Variants in SUPT3H observed in about 807,000 individuals in gnomAD.
The protein encoded by SUPT3H is SPT3 homolog, SAGA and STAGA complex component.
A neutral mutation model predicts 44.3 loss-of-function variants in SUPT3H; 44 were observed. That is an observed-to-expected ratio of 0.99 (90% CI 0.78 to 1.28). The LOEUF is 1.28. SUPT3H is among the 50% of genes most tolerant of loss of function. The pLI is 0.00. For missense variants in SUPT3H, 380 were observed against 387.1 expected (o/e 0.98, Z 0.15); for synonymous variants, 124 against 125.6 (o/e 0.99, Z 0.09).
At chr6:44,847,803 T>A (rs1772136230) in intron 10 of SUPT3H, among the ~76,000 whole-genome samples, 6 of 151,862 alleles carry the variant, frequency 4.0e-5, no homozygotes, top group Admixed American at 3.9e-4. Flanking sequence ...GAAGATTTTT[T>A]AAATGCTCTG....
chr6:45,070,806 G>C (rs961318634), intron 3 of SUPT3H, among the ~76,000 whole-genome samples: 13 of 150,734 alleles, frequency 8.6e-5, no homozygotes, highest in Non-Finnish European at 1.5e-4. Context: ...TTACAAACTG[G>C]AGTGACGACA....
rs142771884 is a variant in SUPT3H at position 45,349,843 on chromosome 6, A to G, written c.101+15358T>C. ...ACTGCATAATCAGTTCATGTTGTCA[A>G]TGTTCTCTTTTATTCAAAATTAATT... is the stretch of plus-strand genomic sequence containing the variant. On this transcript the variant is annotated intron_variant, in intron 2 of 10. Transcript: ENST00000371459. Among the ~76,000 whole-genome samples the G allele has an allele frequency of 1.5e-4, 23 of 152,372 alleles. No individual in the cohort carries two copies. In the East Asian group the frequency reaches 2.9e-3, roughly 19 times the overall value.
At position 45,243,323 on chromosome 6, in the gene SUPT3H, T is replaced by C. The variant is rs937874004; in HGVS notation, c.101+121878A>G. On this transcript the variant is annotated intron_variant, in intron 2 of 10. Coordinates refer to ENST00000371459, the MANE Select transcript of SUPT3H (RefSeq NM_003599.4). ...GAAAACTTCTATAGCATAAAAAATA[T>C]ATACAAAGTGAAAAAACTCACTGCA... Among the ~76,000 whole-genome samples the C allele has an allele frequency of 2.8e-5, 4 of 145,428 alleles. No individual in the cohort carries two copies. In the South Asian group the frequency reaches 6.5e-4, roughly 24 times the overall value.
intron 2 of SUPT3H, among the ~76,000 whole-genome samples, chr6:45,115,394 T>C (rs1033560883): frequency 1.3e-5 from 2 of 152,174 alleles, no homozygotes; most frequent in African/African-American, 4.8e-5. Flanking sequence ...AAAAAGTATT[T>C]TGTAGTTAAA....
chr6:44,896,317 T>C (rs1764127352), intron 10 of SUPT3H, among the ~76,000 whole-genome samples: 1 of 151,588 alleles, frequency 6.6e-6, no homozygotes, highest in African/African-American at 2.4e-5. Flanking sequence ...TCATCATCAT[T>C]ATTAACACTT....
chr6:44,969,717 G>A (rs1035406240), intron 6 of SUPT3H, among the ~76,000 whole-genome samples: 10 of 152,172 alleles, frequency 6.6e-5, no homozygotes, highest in Admixed American at 2.0e-4. Flanking sequence ...ATTTAGGTTT[G>A]ACCTGCAATT....
At chr6:45,161,636 T>G (rs1808987333) in intron 2 of SUPT3H, among the ~76,000 whole-genome samples, 1 of 152,164 alleles carries the variant, frequency 6.6e-6, no homozygotes, top group Non-Finnish European at 1.5e-5. Flanking sequence ...GTGTCTTATT[T>G]GACTTTGACC....
chr6:45,158,208 A>C (rs1237600308), intron 2 of SUPT3H, among the ~76,000 whole-genome samples: 7 of 107,080 alleles, frequency 6.5e-5, no homozygotes, highest in African/African-American at 3.8e-4. Context: ...ATAGAGATAG[A>C]TAGATAGATA....
At chr6:45,066,341 C>G (rs1390479345) in intron 3 of SUPT3H, among the ~76,000 whole-genome samples, 1 of 145,098 alleles carries the variant, frequency 6.9e-6, no homozygotes, top group Non-Finnish European at 1.5e-5. Context: ...TATGACAAAC[C>G]CACAGCCAAT....
At chr6:44,883,785 T>A (rs1778660540) in intron 10 of SUPT3H, among the ~76,000 whole-genome samples, 1 of 152,154 alleles carries the variant, frequency 6.6e-6, no homozygotes, top group African/African-American at 2.4e-5. Flanking sequence ...ATTCCCTATT[T>A]AATAAATGGT....
chr6:44,939,445 G>A (rs564804098), intron 9 of SUPT3H, among the ~76,000 whole-genome samples: 3 of 152,168 alleles, frequency 2.0e-5, no homozygotes, highest in Middle Eastern at 3.4e-3. Context: ...TTTATGATAT[G>A]CTAGTAGATT....
intron 2 of SUPT3H, chr6:45,322,916 T>C: frequency 6.2e-7 from 1 of 1,613,032 alleles, no homozygotes; most frequent in Non-Finnish European, 8.5e-7. Flanking sequence ...AAGACCACCA[T>C]GAGTCCATGG....
intron 10 of SUPT3H, among the ~76,000 whole-genome samples, chr6:44,836,466 A>G (rs1769919927): frequency 6.6e-6 from 1 of 152,134 alleles, no homozygotes; most frequent in Non-Finnish European, 1.5e-5. Context: ...AAAAAAACAT[A>G]GTATTAACTC....
At chr6:45,260,334 G>GT (rs1774153684) in intron 2 of SUPT3H, among the ~76,000 whole-genome samples, 1 of 152,012 alleles carries the variant, frequency 6.6e-6, no homozygotes, top group African/African-American at 2.4e-5. Context: ...GTATTAAAGG[G>GT]TCCTCAGCAC....
At chr6:44,813,374 T>C (rs1766671440) in intron 11 of SUPT3H, among the ~76,000 whole-genome samples, 1 of 152,024 alleles carries the variant, frequency 6.6e-6, no homozygotes, top group African/African-American at 2.4e-5. Flanking sequence ...TTTGTAGCGA[T>C]GGGGTCTTGC....
chr6:45,225,231 A>G (rs1422401401), intron 2 of SUPT3H, among the ~76,000 whole-genome samples: 1 of 150,940 alleles, frequency 6.6e-6, no homozygotes, highest in African/African-American at 2.4e-5. Context: ...ATGAGCCAAG[A>G]TTTAGCTACT....
At chr6:45,348,615 C>A (rs1791404172) in intron 2 of SUPT3H, among the ~76,000 whole-genome samples, 1 of 145,132 alleles carries the variant, frequency 6.9e-6, no homozygotes, top group Non-Finnish European at 1.5e-5. Flanking sequence ...GTGGAGGTTG[C>A]AGTGAGCCAA....
At chr6:44,852,653 C>G (rs543101642) in intron 10 of SUPT3H, among the ~76,000 whole-genome samples, 1 of 152,134 alleles carries the variant, frequency 6.6e-6, no homozygotes, top group South Asian at 2.1e-4. Context: ...ACTCATTCTT[C>G]TAATTTGGAG....
At chr6:45,005,940 C>T (rs554976699) in intron 5 of SUPT3H, among the ~76,000 whole-genome samples, 12 of 151,888 alleles carry the variant, frequency 7.9e-5, no homozygotes, top group Non-Finnish European at 1.5e-4. Context: ...AAATACAGGT[C>T]GAAGCATATC....
Sources: gnomAD v4.1 joint callset for allele counts (sites outside exome capture counted in the v4.1 genomes callset) on GRCh38, gnomAD v4.1.1 for gene constraint, MANE v1.5 for transcripts, NCBI Gene and HGNC (gene_info 2026-07-23, HGNC 2026-07-21) for gene names.